GPHN: variants seen among roughly 807,000 people sequenced by gnomAD.
GPHN encodes gephyrin.
A neutral mutation model predicts 95.5 loss-of-function variants in GPHN; 17 were observed. That is an observed-to-expected ratio of 0.18 (90% confidence interval 0.12 to 0.27). The LOEUF (loss-of-function observed/expected upper bound fraction) is 0.27, where lower values mean the gene tolerates loss of function less well. Among genes scored for constraint, GPHN ranks in the 10% least tolerant of loss-of-function variants. The pLI is 1.00. For synonymous variants in GPHN, 320 were observed against 322.5 expected (o/e 0.99, Z 0.08); for missense variants, 660 against 978.1 (o/e 0.67, Z 4.34).
intron 1 of GPHN, among the ~76,000 whole-genome samples, chr14:66,675,969 C>T (rs1401778507): frequency 6.6e-6 from 1 of 151,934 alleles, no homozygotes; most frequent in Non-Finnish European, 1.5e-5. Flanking sequence ...TTGTATCCTG[C>T]AACTTTACTG....
At chr14:66,633,150 T>C (rs895043400) in intron 1 of GPHN, among the ~76,000 whole-genome samples, 7 of 152,214 alleles carry the variant, frequency 4.6e-5, no homozygotes, top group African/African-American at 7.2e-5. Context: ...TTTTGTTTTA[T>C]TTTCTACTGT....
At chr14:66,692,850 C>G (rs1413211705) in intron 2 of GPHN, among the ~76,000 whole-genome samples, 1 of 152,006 alleles carries the variant, frequency 6.6e-6, no homozygotes, top group Non-Finnish European at 1.5e-5. Context: ...ATATAGAGCA[C>G]TTGTTTGAAT....
chr14:67,699,364 G>A, the GPHN span, among the ~76,000 whole-genome samples: 3 of 151,754 alleles, frequency 2.0e-5, no homozygotes, highest in African/African-American at 7.3e-5. Flanking sequence ...AGACCAGCCT[G>A]GGAAACCTAA....
the GPHN span, among the ~76,000 whole-genome samples, chr14:67,689,463 G>A: frequency 1.3e-5 from 2 of 152,122 alleles, no homozygotes; most frequent in African/African-American, 4.8e-5. Flanking sequence ...TTGCAAGGGA[G>A]ACCCTGCCCC....
chr14:67,284,442 A>AAAAAAC, the GPHN span, among the ~76,000 whole-genome samples: 1 of 142,768 alleles, frequency 7.0e-6, no homozygotes, highest in Non-Finnish European at 1.6e-5. Context: ...AAAAAAAAAA[A>AAAAAAC]AACAGCTGGG....
rs568499734 is a variant in GPHN, at chr14:67,104,876, C to A, written c.1293+3965C>A. 3.9e-5 allele frequency among the ~76,000 whole-genome samples: 6 copies of A among 152,020 alleles called. No homozygotes were observed. In the East Asian group the frequency reaches 1.2e-3, roughly 29 times the overall value. ...TATCTGTATTCTTTCTTTCCTTCTT[C>A]TGATTTTGGATCTGGTTTGTTCTTG... On this transcript the variant is annotated intron_variant, in intron 13 of 22. Transcript: ENST00000478722.
chr14:66,554,354 A>T lies in GPHN; in HGVS notation c.64+45763A>T, dbSNP rs555570251. On this transcript the variant is annotated intron_variant, in intron 1 of 22. Coordinates refer to ENST00000478722, the MANE Select transcript of GPHN (RefSeq NM_020806.5). ...TGCTCTTATATTTTTGTATTCGTCC[A>T]TTCTCACACTGCTATAAAGGATACT... Among the ~76,000 whole-genome samples, 4 of 152,330 alleles carry T rather than the reference A, an allele frequency of 2.6e-5. No individual in the cohort carries two copies. In the South Asian group the frequency reaches 8.3e-4, roughly 32 times the overall value.
the GPHN span, chr14:67,301,931 T>C: frequency 1.3e-6 from 2 of 1,567,146 alleles, no homozygotes; most frequent in South Asian, 1.2e-5. Flanking sequence ...CAGAAATAAA[T>C]CATGCTGTTA....
the GPHN span, chr14:67,693,130 T>C: frequency 2.2e-6 from 2 of 918,170 alleles, no homozygotes; most frequent in East Asian, 2.7e-5. Context: ...TCCCTGTGTC[T>C]TCTGGCTGAG....
intron 1 of GPHN, among the ~76,000 whole-genome samples, chr14:66,567,711 G>T (rs1566617479): frequency 6.6e-6 from 1 of 152,096 alleles, no homozygotes; most frequent in African/African-American, 2.4e-5. Context: ...TACTTTTGTT[G>T]CTTTTGTTTA....
chr14:66,943,887 AC>A (rs1216414387), intron 8 of GPHN, among the ~76,000 whole-genome samples: 1 of 152,188 alleles, frequency 6.6e-6, no homozygotes, highest in Non-Finnish European at 1.5e-5. Flanking sequence ...AACCTAATAA[AC>A]AGGCATAGAT....
At chr14:67,433,688 A>C in the GPHN span, among the ~76,000 whole-genome samples, 1 of 152,216 alleles carries the variant, frequency 6.6e-6, no homozygotes, top group Non-Finnish European at 1.5e-5. Context: ...AGCAGTCATC[A>C]CTATATTTCA....
chr14:67,279,565 A>G, the GPHN span: 1 of 1,500,936 alleles, frequency 6.7e-7, no homozygotes, highest in Non-Finnish European at 8.9e-7. Context: ...TATAACAGAA[A>G]ACATTTTGCT....
At chr14:67,429,388 G>A in the GPHN span, among the ~76,000 whole-genome samples, 3 of 151,426 alleles carry the variant, frequency 2.0e-5, no homozygotes, top group East Asian at 2.0e-4. Context: ...CCACCACCAC[G>A]CCCAGCCAAT....
intron 1 of GPHN, among the ~76,000 whole-genome samples, chr14:66,547,702 C>T (rs4423364): frequency 1.3e-5 from 2 of 152,116 alleles, no homozygotes; most frequent in African/African-American, 2.4e-5. Context: ...AGACAAATTT[C>T]GTGTTCATTC....
the GPHN span, among the ~76,000 whole-genome samples, chr14:67,414,505 G>C: frequency 6.6e-6 from 1 of 152,250 alleles, no homozygotes; most frequent in East Asian, 1.9e-4. Flanking sequence ...CTTTCAGAGA[G>C]ACACCCCTCC....
chr14:67,579,557 C>A, the GPHN span: 1 of 691,300 alleles, frequency 1.4e-6, no homozygotes, highest in Non-Finnish European at 2.4e-6. Context: ...AGCTCACATC[C>A]CTCATGCACT....
chr14:67,586,897 C>T, the GPHN span: 18 of 1,530,526 alleles, frequency 1.2e-5, no homozygotes, highest in Non-Finnish European at 1.5e-5. Flanking sequence ...GAGCCCACAC[C>T]ACTGGGCCTC....
At chr14:67,608,349 T>C in the GPHN span, among the ~76,000 whole-genome samples, 1 of 152,326 alleles carries the variant, frequency 6.6e-6, no homozygotes, top group East Asian at 1.9e-4. Flanking sequence ...ATAATTTACA[T>C]TGTATTAGGT....
Sources: allele counts gnomAD v4.1 joint callset (sites outside exome capture counted in the v4.1 genomes callset), GRCh38; gene constraint gnomAD v4.1.1; transcripts MANE v1.5; gene names NCBI Gene and HGNC (gene_info 2026-07-23, HGNC 2026-07-21).